ARHGAP24: variants seen among roughly 807,000 people sequenced by gnomAD.
ARHGAP24 encodes the protein rho GTPase-activating protein 24.
Under a neutral mutation model 76.4 loss-of-function variants are expected in ARHGAP24, and 50 were observed. The observed-to-expected ratio is 0.65, with a 90% CI of 0.52 to 0.83. ARHGAP24 has a LOEUF of 0.83. Ranked by LOEUF, ARHGAP24 falls within the 40% of genes least tolerant of loss-of-function variation. ARHGAP24 has a pLI of 0.00. For synonymous variants in ARHGAP24, 345 were observed against 323.3 expected (o/e 1.07, Z -0.72); for missense variants, 930 against 914.2 (o/e 1.02, Z -0.22).
At chr4:85,731,353 C>T (rs1294000100) in intron 3 of ARHGAP24, among the ~76,000 whole-genome samples, 1 of 152,184 alleles carries the variant, frequency 6.6e-6, no homozygotes, top group Non-Finnish European at 1.5e-5. Context: ...TGTTCTCTTC[C>T]TTCCCTATTA....
At chr4:85,987,851 T>A (rs1740095823) in intron 8 of ARHGAP24, among the ~76,000 whole-genome samples, 1 of 151,788 alleles carries the variant, frequency 6.6e-6, no homozygotes, top group South Asian at 2.1e-4. Context: ...AGAATTAACA[T>A]AAAGGGAGCC....
At chr4:85,616,795 T>A (rs1720556069) in intron 2 of ARHGAP24, among the ~76,000 whole-genome samples, 1 of 151,998 alleles carries the variant, frequency 6.6e-6, no homozygotes, top group Non-Finnish European at 1.5e-5. Flanking sequence ...GCCTGGCTAA[T>A]TTTTGTATTT....
chr4:85,916,492 G>A (rs1401435501), intron 3 of ARHGAP24, among the ~76,000 whole-genome samples: 1 of 151,728 alleles, frequency 6.6e-6, no homozygotes, highest in Non-Finnish European at 1.5e-5. Context: ...CTAAAGTTGG[G>A]GAAAGTAATA....
At chr4:85,874,803 A>ATATTTTTATATAATTTATATAT (rs1560687986) in intron 3 of ARHGAP24, among the ~76,000 whole-genome samples, 182 of 8,494 alleles carry the variant, frequency 0.021, 21 homozygotes, top group African/African-American at 0.044. Context: ...ATTTATATAT[A>ATATTTTTATATAATTTATATAT]AAATATATTT....
chr4:85,983,697 C>G (rs895892200), intron 8 of ARHGAP24, among the ~76,000 whole-genome samples: 1 of 152,052 alleles, frequency 6.6e-6, no homozygotes, highest in Non-Finnish European at 1.5e-5. Flanking sequence ...TTATTGTCTC[C>G]CCTGCTCTCA....
At chr4:85,633,927 C>A (rs1361805894) in intron 2 of ARHGAP24, among the ~76,000 whole-genome samples, 1 of 151,714 alleles carries the variant, frequency 6.6e-6, no homozygotes, top group Non-Finnish European at 1.5e-5. Context: ...TGATTTTTGT[C>A]ATTGAAAAGT....
At chr4:85,785,483 TTG>T (rs1425729945) in intron 3 of ARHGAP24, among the ~76,000 whole-genome samples, 5 of 152,210 alleles carry the variant, frequency 3.3e-5, no homozygotes, top group African/African-American at 4.8e-5. Context: ...GTTGTTGTTG[TTG>T]TTATTTTGTT....
intron 2 of ARHGAP24, among the ~76,000 whole-genome samples, chr4:85,707,420 C>CT (rs78242656): frequency 0.33 from 49,626 of 152,046 alleles, 9,515 homozygotes; most frequent in African/African-American, 0.52. Flanking sequence ...GAGATAAGAA[C>CT]GTTATTTAAC....
chr4:85,854,800 T>A (rs1731459247), intron 3 of ARHGAP24, among the ~76,000 whole-genome samples: 1 of 152,152 alleles, frequency 6.6e-6, no homozygotes, highest in Admixed American at 6.5e-5. Context: ...GACTTCACAT[T>A]ATAGGAAATA....
chr4:85,511,196 G>A (rs924601582), intron 1 of ARHGAP24, among the ~76,000 whole-genome samples: 3 of 152,088 alleles, frequency 2.0e-5, no homozygotes, highest in Non-Finnish European at 4.4e-5. Context: ...CAGAAAATAA[G>A]AATTCTGATT....
In ARHGAP24 at chr4:85,809,449, T is replaced by C. The variant is rs148690787; in HGVS notation, c.268+87477T>C. The stretch of plus-strand genomic sequence containing the variant: ...ATGGTTAATCAAGTAAGTATTGAAA[T>C]AAGAGAGAGAATTACCTTATTCCAT... On this transcript the variant is annotated intron_variant, in intron 3 of 9. Coordinates refer to ENST00000395184, the MANE Select transcript of ARHGAP24 (RefSeq NM_001025616.3). Among the ~76,000 whole-genome samples the C allele has an allele frequency of 2.4e-4, 37 of 152,284 alleles. No individual in the cohort carries two copies. In the Middle Eastern group the frequency reaches 0.01, roughly 42 times the overall value.
At chr4:85,658,280 A>G (rs1488931449) in intron 2 of ARHGAP24, among the ~76,000 whole-genome samples, 1 of 152,198 alleles carries the variant, frequency 6.6e-6, no homozygotes, top group East Asian at 1.9e-4. Context: ...AATCAATGCA[A>G]AATTATTCAA....
intron 3 of ARHGAP24, among the ~76,000 whole-genome samples, chr4:85,763,373 A>G (rs1208588507): frequency 6.6e-6 from 1 of 152,192 alleles, no homozygotes; most frequent in Non-Finnish European, 1.5e-5. Flanking sequence ...TTTCCAGGTA[A>G]TAAAACCTCT....
At chr4:85,850,001 T>C (rs553626518) in intron 3 of ARHGAP24, among the ~76,000 whole-genome samples, 81 of 152,318 alleles carry the variant, frequency 5.3e-4, no homozygotes, top group African/African-American at 1.8e-3. Flanking sequence ...TTCTGTTGAT[T>C]GGAATAGTTT....
chr4:85,857,438 A>G (rs1172600742), intron 3 of ARHGAP24, among the ~76,000 whole-genome samples: 2 of 152,234 alleles, frequency 1.3e-5, no homozygotes, highest in Non-Finnish European at 2.9e-5. Context: ...ACCATTGCTC[A>G]CTGATAGTTT....
chr4:85,615,864 G>A lies in ARHGAP24; in HGVS notation c.180+45143G>A, dbSNP rs114818364. ...ACTCATGTAAACATTGGGGAAGTGG[G>A]TGTAAACTCTGCAAAAGCATGTGGT... On this transcript the variant is annotated intron_variant, in intron 2 of 9. Transcript: ENST00000395184. Among the ~76,000 whole-genome samples, 1,281 of 152,270 alleles carry A rather than the reference G, an allele frequency of 8.4e-3. 17 individuals are homozygous for A. Among genetic ancestry groups the A allele is most frequent in the African/African-American group, 0.029 (1,212 of 41,538 alleles).
chr4:85,805,732 C>T (rs1728759864), intron 3 of ARHGAP24, among the ~76,000 whole-genome samples: 1 of 152,120 alleles, frequency 6.6e-6, no homozygotes, highest in South Asian at 2.1e-4. Context: ...TTCGTTGATG[C>T]CCCATTAGTG....
At chr4:85,748,520 T>G (rs781594994) in intron 3 of ARHGAP24, among the ~76,000 whole-genome samples, 16 of 152,154 alleles carry the variant, frequency 1.1e-4, no homozygotes, top group Non-Finnish European at 1.6e-4. Context: ...AAACTTAAAC[T>G]TAGAAAGAAT....
intron 2 of ARHGAP24, among the ~76,000 whole-genome samples, chr4:85,638,919 A>T (rs1392288674): frequency 1.3e-5 from 2 of 152,316 alleles, no homozygotes; most frequent in Non-Finnish European, 2.9e-5. Context: ...AGTCACTGAC[A>T]TAATCTCATG....
Sources: gnomAD v4.1 joint callset for allele counts (sites outside exome capture counted in the v4.1 genomes callset) on GRCh38, gnomAD v4.1.1 for gene constraint, MANE v1.5 for transcripts, NCBI Gene and HGNC (gene_info 2026-07-23, HGNC 2026-07-21) for gene names.